Variants in PCDH9 observed in about 807,000 individuals in gnomAD.
PCDH9 encodes the protein protocadherin-9.
A neutral mutation model predicts 70.6 loss-of-function variants in PCDH9; 24 were observed. The observed-to-expected ratio is 0.34, with a 90% CI of 0.25 to 0.48. The LOEUF (loss-of-function observed/expected upper bound fraction) is 0.48, where lower values mean the gene tolerates loss of function less well. Among genes scored for constraint, PCDH9 ranks in the 20% least tolerant of loss-of-function variants. The pLI is 0.99. For missense variants in PCDH9, 1,281 were observed against 1,503.6 expected, an observed-to-expected ratio of 0.85 and a Z score of 2.45; for synonymous variants, 562 against 558.5, an observed-to-expected ratio of 1.01 and a Z score of -0.09.
chr13:67,047,704 C>G (rs896735038), intron 2 of PCDH9, among the ~76,000 whole-genome samples: 3 of 152,124 alleles, frequency 2.0e-5, no homozygotes, highest in Non-Finnish European at 4.4e-5. Context: ...CCAAGTGAAA[C>G]AAGGTCTAAC....
At chr13:66,813,474 GAAGGAAGGGAGGAAAGGAGGAAGGAAGAA>G (rs1188196494) in intron 3 of PCDH9, among the ~76,000 whole-genome samples, 2 of 151,266 alleles carry the variant, frequency 1.3e-5, no homozygotes, top group Non-Finnish European at 3.0e-5. Context: ...AGGAAGGGAA[GAAGGAAGGGAGGAAAGGAGGAAGGAAGAA>G]AAGGAAGAAA....
At chr13:67,034,486 C>T (rs1035443333) in intron 2 of PCDH9, among the ~76,000 whole-genome samples, 1 of 152,126 alleles carries the variant, frequency 6.6e-6, no homozygotes, top group Non-Finnish European at 1.5e-5. Context: ...AACCTTCCAG[C>T]ATATGCAGCT....
chr13:66,716,924 A>G (rs2078872319), intron 3 of PCDH9, among the ~76,000 whole-genome samples: 1 of 152,118 alleles, frequency 6.6e-6, no homozygotes, highest in South Asian at 2.1e-4. Flanking sequence ...TTTCTGAAAG[A>G]AGGTCTTTCA....
chr13:66,605,802 T>TC (rs1046184912), intron 4 of PCDH9, among the ~76,000 whole-genome samples: 2 of 152,154 alleles, frequency 1.3e-5, no homozygotes, highest in African/African-American at 4.8e-5. Context: ...ACTTTTTTTT[T>TC]CTATAATTTC....
At chr13:67,182,814 T>G (rs895023778) in intron 2 of PCDH9, among the ~76,000 whole-genome samples, 4 of 152,128 alleles carry the variant, frequency 2.6e-5, no homozygotes, top group Non-Finnish European at 5.9e-5. Context: ...TACATGCCAC[T>G]CTGCCTGTCC....
At chr13:67,210,741 C>A (rs1593626282) in intron 2 of PCDH9, 1 of 151,536 alleles carries the variant, frequency 6.6e-6, no homozygotes, top group Non-Finnish European at 1.5e-5. Context: ...TTATTGTAGC[C>A]AAAAAGAGAG....
chr13:66,399,456 C>T (rs2138290421), intron 4 of PCDH9, among the ~76,000 whole-genome samples: 1 of 152,170 alleles, frequency 6.6e-6, no homozygotes, highest in African/African-American at 2.4e-5. Flanking sequence ...TTTGGCCATG[C>T]TTAAAATAGG....
intron 4 of PCDH9, among the ~76,000 whole-genome samples, chr13:66,516,324 A>G (rs1959733392): frequency 6.6e-6 from 1 of 151,988 alleles, no homozygotes; most frequent in Non-Finnish European, 1.5e-5. Flanking sequence ...ATATTACTCA[A>G]TATTTCTAAT....
chr13:66,799,039 T>C (rs1283971784), intron 3 of PCDH9, among the ~76,000 whole-genome samples: 1 of 152,160 alleles, frequency 6.6e-6, no homozygotes, highest in East Asian at 1.9e-4. Context: ...GGTCTCAAAC[T>C]CTTGACCTCA....
In PCDH9 at chr13:67,185,592, G is replaced by A. The variant is rs1194521699; in HGVS notation, c.3036+39813C>T. On this transcript the variant is annotated intron_variant, in intron 2 of 4. Transcript: ENST00000377865. Reference sequence around the variant, plus strand: ...GTATGATCCAGAAATAAGTTAATTGGTTAAGTTAAAAAGAAATGTTTGTTC... The same window carrying A: ...GTATGATCCAGAAATAAGTTAATTGATTAAGTTAAAAAGAAATGTTTGTTC... Among the ~76,000 whole-genome samples the A allele has an allele frequency of 3.9e-5, 6 of 152,216 alleles. No individual in the cohort carries two copies. The East Asian group carries it at 1.2e-3, about 29-fold the overall frequency.
chr13:66,515,169 T>C lies in PCDH9; in HGVS notation c.3340+116041A>G, dbSNP rs374714031. 7.9e-5 allele frequency among the ~76,000 whole-genome samples: 12 copies of C among 152,088 alleles called. No individual in the cohort carries two copies. In the East Asian group the frequency reaches 2.1e-3, roughly 27 times the overall value. ...GAATTTTCCTCAAGGTACTGTATCA[T>C]GTCCAGTTTTGCATAAACAAAAGGA... On this transcript the variant is annotated intron_variant, in intron 4 of 4. Transcript: ENST00000377865.
chr13:66,496,306 AG>A (rs1377243997), intron 4 of PCDH9, among the ~76,000 whole-genome samples: 1 of 152,172 alleles, frequency 6.6e-6, no homozygotes, highest in Admixed American at 6.6e-5. Flanking sequence ...CTCATATCTC[AG>A]ACATCACATA....
chr13:66,887,068 CACACACACA>C (rs1293054372), intron 3 of PCDH9, among the ~76,000 whole-genome samples: 10 of 149,310 alleles, frequency 6.7e-5, no homozygotes, highest in African/African-American at 1.2e-4. Flanking sequence ...CACACACACA[CACACACACA>C]CCCTGTATTT....
At chr13:66,703,758 C>A (rs76639066) in intron 3 of PCDH9, among the ~76,000 whole-genome samples, 2,968 of 151,848 alleles carry the variant, frequency 0.02, 102 homozygotes, top group African/African-American at 0.068. Context: ...AGTATCCAGG[C>A]ATAGTGGTGA....
In PCDH9 at chr13:67,225,986, T is replaced by C. The variant is rs766964204; in HGVS notation, c.2455A>G (p.Ile819Val). The change falls in exon 2 of 5, where the codon ATC becomes GTC. Residue 819 changes from isoleucine (I) to valine (V), a missense_variant. By Grantham distance (29) the Ile-to-Val change is conservative. Around this residue, in one of 4 missense-constraint regions of PCDH9, gnomAD observed 798 missense variants for 1,003.1 expected, o/e 0.80. Transcript: ENST00000377865. The part of the protein sequence containing the change: ...NEDYLTIMIA[I>V]IAGAMVVIVV... ...ATGACCACCATGGCACCGGCGATGA[T>C]GGCAATCATGATGGTTAGATAGTCC... The C allele has an allele frequency of 1.9e-6, 3 of 1,614,100 alleles. No individual in the cohort carries two copies. Among genetic ancestry groups the C allele is most frequent in the Middle Eastern group, 1.6e-4 (1 of 6,062 alleles).
intron 4 of PCDH9, among the ~76,000 whole-genome samples, chr13:66,442,578 A>C (rs1482019444): frequency 6.6e-6 from 1 of 151,994 alleles, no homozygotes; most frequent in Admixed American, 6.6e-5. Context: ...TATATATATA[A>C]TTAATATTTT....
intron 3 of PCDH9, among the ~76,000 whole-genome samples, chr13:66,816,413 G>T (rs959139169): frequency 6.6e-6 from 1 of 151,886 alleles, no homozygotes; most frequent in African/African-American, 2.4e-5. Context: ...CATGAATATG[G>T]GTACGCACAC....
chr13:66,896,220 T>C (rs558386589), intron 3 of PCDH9, among the ~76,000 whole-genome samples: 2 of 152,248 alleles, frequency 1.3e-5, no homozygotes, highest in Admixed American at 6.5e-5. Flanking sequence ...ACTGAACTGG[T>C]GGAAAATCTG....
At chr13:67,147,897 C>G (rs1425564711) in intron 2 of PCDH9, among the ~76,000 whole-genome samples, 1 of 152,158 alleles carries the variant, frequency 6.6e-6, no homozygotes, top group Non-Finnish European at 1.5e-5. Context: ...CTTCCCACCC[C>G]CTATCCCAGT....
Sources: gnomAD v4.1 joint callset for allele counts (sites outside exome capture counted in the v4.1 genomes callset) on GRCh38, gnomAD v4.1.1 for gene constraint, gnomAD v4.1.1 regional missense constraint, MANE v1.5 for transcripts, NCBI Gene and HGNC (gene_info 2026-07-23, HGNC 2026-07-21) for gene names.